The following TENM4 variants were observed in gnomAD, a reference collection of about 807,000 sequenced individuals.
The protein encoded by TENM4 is teneurin transmembrane protein 4, also known as teneurin-4.
TENM4 carries 82 observed loss-of-function variants against 243.3 expected under a neutral mutation model. The observed-to-expected ratio is 0.34, with a 90% CI of 0.28 to 0.40. The LOEUF (loss-of-function observed/expected upper bound fraction) is 0.40. Among genes scored for constraint, TENM4 ranks in the 10% least tolerant of loss-of-function variants. The pLI, the probability that TENM4 is intolerant of heterozygous loss-of-function variation, is 1.00. For missense variants in TENM4, 3,138 were observed against 3,673.3 expected, an observed-to-expected ratio of 0.85 and a Z score of 3.77; for synonymous variants, 1,412 against 1,456.3, an observed-to-expected ratio of 0.97 and a Z score of 0.69.
At chr11:78,768,825 T>A (rs1856592542) in intron 18 of TENM4, among the ~76,000 whole-genome samples, 1 of 152,212 alleles carries the variant, frequency 6.6e-6, no homozygotes. Context: ...CCCCCCGAGC[T>A]GTGGGCTTTG....
chr11:79,026,812 G>A (rs142620406), intron 6 of TENM4, among the ~76,000 whole-genome samples: 5 of 152,276 alleles, frequency 3.3e-5, no homozygotes, highest in East Asian at 1.9e-4. Flanking sequence ...AGATGATCAC[G>A]CAGCAGAAAA....
At chr11:78,673,689 CACATAGAAGGT>C (rs1473710893) in intron 30 of TENM4, among the ~76,000 whole-genome samples, 1 of 152,186 alleles carries the variant, frequency 6.6e-6, no homozygotes, top group Non-Finnish European at 1.5e-5. Flanking sequence ...GAGTGCTAGG[CACATAGAAGGT>C]ACTGAATAGA....
In TENM4 at chr11:78,903,638, T is replaced by C; in HGVS notation, c.494-115A>G. The stretch of plus-strand genomic sequence containing the variant: ...GAAGAGGGAGCCGGCAGATTATACA[T>C]ATTGATGCAGTCAATCAGTAATTAC... On this transcript the variant is annotated intron_variant, in intron 6 of 33. Coordinates refer to ENST00000278550, the MANE Select transcript of TENM4 (RefSeq NM_001098816.3). 3 of 1,452,952 alleles carry C rather than the reference T, an allele frequency of 2.1e-6. No homozygotes were observed. The Admixed American group carries it at 6.4e-5, about 31-fold the overall frequency. The allele number at this position is 1,452,952 out of a possible 1,614,324, so 90.0% of individuals were successfully genotyped here.
In TENM4 at chr11:79,007,868, C is replaced by CT. The variant is rs1388510612; in HGVS notation, c.493+56869dup. Among the ~76,000 whole-genome samples the CT allele has an allele frequency of 2.0e-5, 3 of 152,292 alleles. No homozygotes were observed. In the South Asian group the frequency reaches 6.2e-4, roughly 32 times the overall value. ...ACACTCGGCACAGGCCCATTTCTTCCTTTTTTTCCCACCAGTTCTGCCCTG... is the reference window on the plus strand; with the variant it reads ...ACACTCGGCACAGGCCCATTTCTTCCTTTTTTTTCCCACCAGTTCTGCCCTG... On this transcript the variant is annotated intron_variant, in intron 6 of 33. Transcript: ENST00000278550.
At chr11:78,755,342 G>GT (rs1565365132) in intron 19 of TENM4, among the ~76,000 whole-genome samples, 1 of 151,890 alleles carries the variant, frequency 6.6e-6, no homozygotes, top group South Asian at 2.1e-4. Flanking sequence ...TTTTTGTTTT[G>GT]TTTTTTTGGA....
chr11:79,155,355 CTTT>C (rs553666524), intron 3 of TENM4, among the ~76,000 whole-genome samples: 3 of 140,574 alleles, frequency 2.1e-5, no homozygotes, highest in Non-Finnish European at 4.7e-5. Flanking sequence ...CTCTCTCTCT[CTTT>C]TTTTTTTTTT....
Position 79,041,494 on chromosome 11 carries a change from C to CAAAAAAA in TENM4, c.493+23237_493+23243dup, listed in dbSNP as rs34771137. On this transcript the variant is annotated intron_variant, in intron 6 of 33. Coordinates refer to ENST00000278550, the MANE Select transcript of TENM4 (RefSeq NM_001098816.3). ...CAACTCTTGGCACATTGGAGGCACT[C>CAAAAAAA]AAAAAAAAAAAAAATCGAAGAAACA... Among the ~76,000 whole-genome samples, 62 of 140,218 alleles carry CAAAAAAA rather than the reference C, an allele frequency of 4.4e-4. No individual in the cohort carries two copies. The East Asian group carries it at 0.011, about 24-fold the overall frequency. The allele number at this position is 140,218 out of a possible 152,430, so 92.0% of individuals were successfully genotyped here.
intron 4 of TENM4, among the ~76,000 whole-genome samples, chr11:79,088,834 G>C (rs1860879746): frequency 6.6e-6 from 1 of 152,196 alleles, no homozygotes; most frequent in Non-Finnish European, 1.5e-5. Context: ...TGGGATTGAA[G>C]GTGACAAGGG....
intron 25 of TENM4, among the ~76,000 whole-genome samples, chr11:78,717,787 G>A (rs1273972701): frequency 1.3e-5 from 2 of 152,212 alleles, no homozygotes; most frequent in Admixed American, 6.5e-5. Context: ...AGGGCTCTGA[G>A]TTAATATAAT....
intron 6 of TENM4, among the ~76,000 whole-genome samples, chr11:79,054,251 T>C (rs1859881505): frequency 6.6e-6 from 1 of 152,198 alleles, no homozygotes; most frequent in Admixed American, 6.5e-5. Flanking sequence ...AAATTAGGGA[T>C]TCCAGCTTTA....
At chr11:78,723,634 C>T (rs79841190) in intron 23 of TENM4, among the ~76,000 whole-genome samples, 1,934 of 152,350 alleles carry the variant, frequency 0.013, 23 homozygotes, top group Non-Finnish European at 0.018. Context: ...ACCTCAATGA[C>T]GCAAAAGCTT....
chr11:79,031,605 T>C (rs1807904412), intron 6 of TENM4, among the ~76,000 whole-genome samples: 1 of 152,104 alleles, frequency 6.6e-6, no homozygotes, highest in Admixed American at 6.6e-5. Flanking sequence ...GCTTAATTAG[T>C]GAATGAGTAC....
chr11:79,133,782 G>A (rs749511502), intron 4 of TENM4, among the ~76,000 whole-genome samples: 1 of 152,100 alleles, frequency 6.6e-6, no homozygotes, highest in Non-Finnish European at 1.5e-5. Flanking sequence ...AAAAGCATTT[G>A]ACAAAATTCA....
chr11:78,731,622 C>G (rs1265396437), intron 21 of TENM4, among the ~76,000 whole-genome samples: 1 of 152,190 alleles, frequency 6.6e-6, no homozygotes, highest in Non-Finnish European at 1.5e-5. Flanking sequence ...AGAAACTGGG[C>G]TGGGGACAGC....
chr11:79,053,755 A>G (rs1374497062), intron 6 of TENM4, among the ~76,000 whole-genome samples: 2 of 152,138 alleles, frequency 1.3e-5, no homozygotes, highest in Admixed American at 6.6e-5. Context: ...TTTGTGGGGT[A>G]TGGGTAATTG....
In TENM4 at chr11:78,701,898, G is replaced by T. The variant is rs896293501; in HGVS notation, c.4715C>A (p.Thr1572Asn). Residue 1572 changes from threonine to asparagine, a missense_variant, in exon 28 of 34, where the codon ACC (threonine) becomes AAC (asparagine). Around this residue, in one of 2 missense-constraint regions of TENM4, gnomAD observed 2,467 missense variants for 3,059.1 expected, o/e 0.81. Transcript: ENST00000278550. ...TGAAGACAGCTCATACATGTTCTGG[G>T]TGTTGAGGAAAGGCTTGTTCTTCCG... Reference protein sequence around the residue: ...FIRKNKPFLNTQNMYELSSPI... With the variant: ...FIRKNKPFLNNQNMYELSSPI... 2.5e-6 allele frequency: 4 copies of T among 1,613,922 alleles called. No homozygotes were observed. In the East Asian group the frequency reaches 8.9e-5, roughly 36 times the overall value.
At chr11:79,259,737 A>C (rs1417723347) in intron 2 of TENM4, among the ~76,000 whole-genome samples, 2 of 152,158 alleles carry the variant, frequency 1.3e-5, no homozygotes, top group Non-Finnish European at 2.9e-5. Flanking sequence ...ATACCCATGA[A>C]CTCAATCACC....
At chr11:79,359,202 G>A (rs561834132) in intron 1 of TENM4, among the ~76,000 whole-genome samples, 1 of 152,232 alleles carries the variant, frequency 6.6e-6, no homozygotes, top group African/African-American at 2.4e-5. Context: ...GGAAGTTGAG[G>A]TTGCAGTAAG....
intron 32 of TENM4, among the ~76,000 whole-genome samples, chr11:78,664,281 T>C (rs1858097924): frequency 6.6e-6 from 1 of 152,184 alleles, no homozygotes; most frequent in Non-Finnish European, 1.5e-5. Flanking sequence ...TTGATTTTTT[T>C]TTGAGATGGG....
Sources: allele counts gnomAD v4.1 joint callset (sites outside exome capture counted in the v4.1 genomes callset), GRCh38; gene constraint gnomAD v4.1.1; regional missense constraint gnomAD v4.1.1; transcripts MANE v1.5; gene names NCBI Gene and HGNC (gene_info 2026-07-23, HGNC 2026-07-21).